Variants in MTHFD2L observed in about 807,000 individuals in gnomAD.
MTHFD2L encodes the protein methylenetetrahydrofolate dehydrogenase (NADP+ dependent) 2 like.
Under a neutral mutation model 34.9 loss-of-function variants are expected in MTHFD2L, and 29 were observed. That is an observed-to-expected ratio of 0.83 (90% CI 0.62 to 1.13). The LOEUF is 1.13. Ranked by LOEUF, MTHFD2L falls within the 50% of genes most tolerant of loss-of-function variation. The pLI, the probability that MTHFD2L is intolerant of heterozygous loss-of-function variation, is 0.00. For missense variants in MTHFD2L, 481 were observed against 446.5 expected (o/e 1.08, Z -0.70); for synonymous variants, 167 against 155.7 (o/e 1.07, Z -0.54).
At chr4:74,231,263 A>G (rs1215759293) in intron 6 of MTHFD2L, among the ~76,000 whole-genome samples, 2 of 152,082 alleles carry the variant, frequency 1.3e-5, no homozygotes, top group African/African-American at 4.8e-5. Context: ...ACTCCCATCA[A>G]ACATTATCCT....
intron 6 of MTHFD2L, among the ~76,000 whole-genome samples, chr4:74,261,603 G>C (rs2110223632): frequency 6.6e-6 from 1 of 152,156 alleles, no homozygotes; most frequent in South Asian, 2.1e-4. Context: ...GGAGTGGAAA[G>C]ATTTATTCCA....
At chr4:74,211,357 C>T (rs1197692118) in intron 5 of MTHFD2L, among the ~76,000 whole-genome samples, 6 of 152,086 alleles carry the variant, frequency 3.9e-5, no homozygotes, top group African/African-American at 1.4e-4. Context: ...AGATACGTTC[C>T]ATCAATATCT....
At chr4:74,182,615 T>G (rs1350598464) in intron 3 of MTHFD2L, 2 of 152,234 alleles carry the variant, frequency 1.3e-5, no homozygotes, top group Non-Finnish European at 2.9e-5. Context: ...TAAGTTGTTT[T>G]CATTCTGTTG....
intron 3 of MTHFD2L, among the ~76,000 whole-genome samples, chr4:74,184,904 C>CT (rs1730859849): frequency 6.6e-6 from 1 of 151,968 alleles, no homozygotes; most frequent in African/African-American, 2.4e-5. Flanking sequence ...AATCCCAGAA[C>CT]TTTAGGAGGC....
chr4:74,293,467 T>C (rs1285551250), intron 7 of MTHFD2L: 1 of 938,114 alleles, frequency 1.1e-6, no homozygotes, highest in African/African-American at 1.8e-5. Flanking sequence ...AATAATCCTC[T>C]CTATTTCATT....
intron 6 of MTHFD2L, among the ~76,000 whole-genome samples, chr4:74,251,494 T>C (rs1246138461): frequency 6.6e-6 from 1 of 152,238 alleles, no homozygotes; most frequent in East Asian, 1.9e-4. Context: ...GCTTCCTAAA[T>C]CTTTCCAAGT....
intron 1 of MTHFD2L, among the ~76,000 whole-genome samples, chr4:74,141,232 G>A (rs888225793): frequency 1.3e-5 from 2 of 152,116 alleles, no homozygotes; most frequent in East Asian, 1.9e-4. Context: ...AGCAAGAATC[G>A]AGATAATTGG....
intron 1 of MTHFD2L, among the ~76,000 whole-genome samples, chr4:74,127,107 C>A (rs1177482556): frequency 6.7e-6 from 1 of 148,854 alleles, no homozygotes; most frequent in Non-Finnish European, 1.5e-5. Context: ...TGAGGCCTCC[C>A]CGGCCCTGCC....
upstream of MTHFD2L, among the ~76,000 whole-genome samples, chr4:74,122,439 G>C (rs1175563811): frequency 1.3e-5 from 2 of 152,136 alleles, no homozygotes; most frequent in Non-Finnish European, 2.9e-5. Flanking sequence ...AGAAGAGCAA[G>C]GGGGAAATCC....
At chr4:74,249,685 A>G (rs937148353) in intron 6 of MTHFD2L, among the ~76,000 whole-genome samples, 13 of 152,128 alleles carry the variant, frequency 8.5e-5, no homozygotes, top group Non-Finnish European at 1.6e-4. Flanking sequence ...GGTGGTGACA[A>G]AATCTCTCAG....
intron 5 of MTHFD2L, among the ~76,000 whole-genome samples, chr4:74,209,304 T>C (rs917770931): frequency 6.6e-6 from 1 of 152,172 alleles, no homozygotes; most frequent in African/African-American, 2.4e-5. Context: ...CAACCTGTCA[T>C]CTACCGTAGG....
At chr4:74,121,431 C>T (rs1005887750), upstream of MTHFD2L, among the ~76,000 whole-genome samples, 8 of 151,168 alleles carry the variant, frequency 5.3e-5, no homozygotes, top group Middle Eastern at 3.4e-3. Context: ...TTTTCTGCAG[C>T]GACAGCAACC....
At chr4:74,150,943 A>G (rs1483784659) in intron 1 of MTHFD2L, among the ~76,000 whole-genome samples, 1 of 152,078 alleles carries the variant, frequency 6.6e-6, no homozygotes, top group Non-Finnish European at 1.5e-5. Context: ...ATCTGTAATA[A>G]TCATTATCCC....
chr4:74,137,475 G>A (rs140569632), intron 1 of MTHFD2L, among the ~76,000 whole-genome samples: 2,138 of 152,144 alleles, frequency 0.014, 17 homozygotes, highest in Middle Eastern at 0.044. Context: ...AACAGATGCC[G>A]GCAAGGATGT....
At chr4:74,116,564 T>C (rs571789258) in intron 2 of MTHFD2L, among the ~76,000 whole-genome samples, 2 of 152,302 alleles carry the variant, frequency 1.3e-5, no homozygotes, top group South Asian at 4.1e-4. Flanking sequence ...AAGCCTGAAC[T>C]AGGGAGGGGC....
chr4:74,238,993 C>A (rs888874976), intron 6 of MTHFD2L, among the ~76,000 whole-genome samples: 4 of 152,094 alleles, frequency 2.6e-5, no homozygotes, highest in African/African-American at 9.7e-5. Context: ...GGGTATACAC[C>A]CAAAGGCTTA....
At chr4:74,249,884 C>T (rs937071048) in intron 6 of MTHFD2L, among the ~76,000 whole-genome samples, 6 of 152,138 alleles carry the variant, frequency 3.9e-5, no homozygotes, top group African/African-American at 1.4e-4. Context: ...TTGTAGGTAA[C>T]CCGACCTTTC....
intron 6 of MTHFD2L, among the ~76,000 whole-genome samples, chr4:74,265,265 G>A (rs1004923410): frequency 2.0e-5 from 3 of 152,138 alleles, no homozygotes; most frequent in African/African-American, 7.2e-5. Flanking sequence ...CTGCAAGTCT[G>A]CCAGGGCTCT....
chr4:74,298,268 A>G (rs1749867508), intron 7 of MTHFD2L, among the ~76,000 whole-genome samples: 1 of 152,044 alleles, frequency 6.6e-6, no homozygotes, highest in South Asian at 2.1e-4. Flanking sequence ...TATTGATGCT[A>G]CTAAATGTTT....
Sources: gnomAD v4.1 joint callset for allele counts (sites outside exome capture counted in the v4.1 genomes callset) on GRCh38, gnomAD v4.1.1 for gene constraint, MANE v1.5 for transcripts, NCBI Gene and HGNC (gene_info 2026-07-23, HGNC 2026-07-21) for gene names.